Variants in GREB1L observed in about 807,000 individuals in gnomAD.
GREB1L encodes the protein GREB1 like retinoic acid receptor coactivator.
GREB1L carries 17 observed loss-of-function variants against 200.8 expected under a neutral mutation model. The ratio of observed to expected loss-of-function variants is 0.08; its 90% CI spans 0.06 to 0.13. GREB1L has a LOEUF of 0.13. Among genes scored for constraint, GREB1L ranks in the 10% least tolerant of loss-of-function variants. GREB1L has a pLI of 1.00. For missense variants in GREB1L, 1,657 were observed against 2,367.7 expected, an observed-to-expected ratio of 0.70 and a Z score of 6.23; for synonymous variants, 789 against 893.0, an observed-to-expected ratio of 0.88 and a Z score of 2.08.
chr18:21,244,154 T>C (rs974318025), intron 1 of GREB1L, among the ~76,000 whole-genome samples: 2 of 152,194 alleles, frequency 1.3e-5, no homozygotes, highest in Admixed American at 1.3e-4. Context: ...TAGAACAGTA[T>C]GCAGTGGAAA....
intron 1 of GREB1L, among the ~76,000 whole-genome samples, chr18:21,312,113 A>C (rs1214473614): frequency 6.6e-6 from 1 of 152,112 alleles, no homozygotes; most frequent in Non-Finnish European, 1.5e-5. Context: ...GCTAAGGATG[A>C]TGGCCTCCAG....
intron 7 of GREB1L, among the ~76,000 whole-genome samples, chr18:21,428,710 CTTTTTTTTTT>C (rs747598415): frequency 4.0e-5 from 2 of 49,926 alleles, no homozygotes; most frequent in East Asian, 6.6e-4. Context: ...CGGTTTATCT[CTTTTTTTTTT>C]TTTTTTTTTT....
chr18:21,482,345 C>T (rs565992657), intron 17 of GREB1L, among the ~76,000 whole-genome samples: 2 of 152,220 alleles, frequency 1.3e-5, no homozygotes, highest in Non-Finnish European at 2.9e-5. Flanking sequence ...GCAACCTCTG[C>T]CTCCCGGGTT....
chr18:21,497,722 A>G lies in GREB1L; in HGVS notation c.3391+1024A>G, dbSNP rs150718199. Among the ~76,000 whole-genome samples the G allele has an allele frequency of 1.5e-3, 226 of 151,970 alleles. 1 individual carries two copies. Among genetic ancestry groups the G allele is most frequent in the African/African-American group, 4.9e-3 (204 of 41,468 alleles). Reference sequence around the variant, plus strand: ...ATGGAGAATGTAACAAAGTACAGAGAATTCTGAGATTAAAAATGAAACACA... The same window carrying G: ...ATGGAGAATGTAACAAAGTACAGAGGATTCTGAGATTAAAAATGAAACACA... On this transcript the variant is annotated intron_variant, in intron 21 of 32. Transcript: ENST00000424526.
intron 1 of GREB1L, among the ~76,000 whole-genome samples, chr18:21,313,805 T>C (rs2144826752): frequency 6.6e-6 from 1 of 152,350 alleles, no homozygotes; most frequent in South Asian, 2.1e-4. Flanking sequence ...TTTCTTAGAA[T>C]CTGCCAAAGT....
intron 5 of GREB1L, 143 bp from the exon 6 acceptor site, chr18:21,401,007 C>T (rs2041293840): frequency 1.3e-5 from 8 of 630,490 alleles, no homozygotes; most frequent in South Asian, 2.2e-5. Flanking sequence ...AAACATGTAC[C>T]TGGTTTTTTT....
chr18:21,467,968 T>A (rs563895114), intron 15 of GREB1L, among the ~76,000 whole-genome samples: 1 of 144,018 alleles, frequency 6.9e-6, no homozygotes, highest in Non-Finnish European at 1.5e-5. Flanking sequence ...GAGCTCACAG[T>A]GAGCCGAGAT....
intron 1 of GREB1L, among the ~76,000 whole-genome samples, chr18:21,271,649 CAAAA>C (rs1191889292): frequency 5.8e-5 from 3 of 51,950 alleles, no homozygotes; most frequent in Admixed American, 2.2e-4. Flanking sequence ...GACCCTGTCT[CAAAA>C]AAAAAAAAAA....
Position 21,496,345 on chromosome 18 carries a change from GA to G in GREB1L, c.3147-106del. On this transcript the variant is annotated intron_variant, in intron 20 of 32. Transcript: ENST00000424526. ...TTTCAGTCAAGGCTCACCTGGCACT[GA>G]AACCTATGATTTTAACTGCTGTGTG... 2.4e-6 allele frequency: 3 copies of G among 1,264,520 alleles called. No individual in the cohort carries two copies. In the South Asian group the frequency reaches 4.4e-5, roughly 19 times the overall value. 78.3% of individuals were successfully genotyped at this position (1,264,520 alleles called of 1,614,324 possible).
rs556720805 is a variant in GREB1L, at chr18:21,522,693, T to A, written c.5644T>A (p.Ser1882Thr). ...TLCVICQDRS[S>T]LRQTIVRLEL... is the part of the protein sequence containing the mutation. ...GTGTGTCATCTGCCAAGACAGAAGT[T>A]CCTTGCGCCAAACAATTGTCCGCTT... Residue 1882 changes from serine to threonine, a missense_variant, in exon 33 of 33, where the codon TCC (serine) becomes ACC (threonine). Ser to Thr is a moderately conservative substitution (Grantham distance 58). Around this residue, in one of 9 missense-constraint regions of GREB1L, gnomAD observed 190 missense variants for 230.2 expected, o/e 0.83. Transcript: ENST00000424526. 216 of 1,551,696 alleles carry A rather than the reference T, an allele frequency of 1.4e-4. 1 individual carries two copies. The South Asian group carries it at 2.4e-3, about 17-fold the overall frequency.
intron 23 of GREB1L, among the ~76,000 whole-genome samples, chr18:21,501,596 A>G (rs1598936711): frequency 6.6e-6 from 1 of 152,216 alleles, no homozygotes; most frequent in South Asian, 2.1e-4. Flanking sequence ...AAAGTGTTTT[A>G]TAAAGGCTTT....
At chr18:21,494,875 G>A (rs1253604840) in intron 19 of GREB1L, among the ~76,000 whole-genome samples, 5 of 152,204 alleles carry the variant, frequency 3.3e-5, no homozygotes, top group Middle Eastern at 3.4e-3. Context: ...TCAAATTGGC[G>A]GGATTACTTT....
intron 21 of GREB1L, 59 bp downstream of exon 21, chr18:21,496,757 A>G: frequency 2.0e-6 from 3 of 1,521,518 alleles, no homozygotes; most frequent in Non-Finnish European, 2.7e-6. Flanking sequence ...GGTGTGTAGG[A>G]ATTTGGAAGG....
intron 22 of GREB1L, 81 bp downstream of exon 22, chr18:21,500,387 T>TG: frequency 1.2e-6 from 1 of 839,092 alleles, no homozygotes; most frequent in East Asian, 2.7e-5. Flanking sequence ...GAAAACCTCT[T>TG]GGGGGTGGAG....
chr18:21,477,066 A>G (rs535618675), intron 16 of GREB1L, 98 bp from the exon 17 acceptor site: 1 of 774,904 alleles, frequency 1.3e-6, no homozygotes, highest in South Asian at 3.4e-5. Context: ...GAAAAGAGAT[A>G]GAAAAATAAA....
At chr18:21,463,841 A>G (rs1452632173) in intron 15 of GREB1L, among the ~76,000 whole-genome samples, 1 of 152,170 alleles carries the variant, frequency 6.6e-6, no homozygotes, top group African/African-American at 2.4e-5. Context: ...TTGTAACACC[A>G]TTCCCCACTG....
At chr18:21,256,954 G>A (rs1484393269) in intron 1 of GREB1L, among the ~76,000 whole-genome samples, 1 of 141,216 alleles carries the variant, frequency 7.1e-6, no homozygotes, top group Non-Finnish European at 1.5e-5. Flanking sequence ...GCAGTGAGCC[G>A]AGATCATGCC....
At chr18:21,264,675 C>G (rs73959824) in intron 1 of GREB1L, among the ~76,000 whole-genome samples, 1,794 of 147,440 alleles carry the variant, frequency 0.012, 31 homozygotes, top group African/African-American at 0.043. Context: ...CCCTCCCCCC[C>G]TCCTGGTCAC....
At chr18:21,436,612 T>C (rs1380787523) in intron 7 of GREB1L, among the ~76,000 whole-genome samples, 1 of 150,374 alleles carries the variant, frequency 6.7e-6, no homozygotes, top group Non-Finnish European at 1.5e-5. Flanking sequence ...TCAGCTTGGG[T>C]GACAGAATGA....
Sources: gnomAD v4.1 joint callset for allele counts (sites outside exome capture counted in the v4.1 genomes callset) on GRCh38, gnomAD v4.1.1 for gene constraint, gnomAD v4.1.1 regional missense constraint, MANE v1.5 for transcripts, NCBI Gene and HGNC (gene_info 2026-07-23, HGNC 2026-07-21) for gene names.